ZBTB7A: variants seen among roughly 807,000 people sequenced by gnomAD.
The protein encoded by ZBTB7A is zinc finger and BTB domain containing 7A.
ZBTB7A carries 7 observed loss-of-function variants against 26.7 expected under a neutral mutation model. The ratio of observed to expected loss-of-function variants is 0.26; its 90% CI spans 0.15 to 0.49. ZBTB7A has a LOEUF of 0.49. ZBTB7A is among the 20% of genes least tolerant of loss of function. ZBTB7A has a pLI of 0.98. For synonymous variants in ZBTB7A, 452 were observed against 441.0 expected (o/e 1.02, Z -0.31); for missense variants, 617 against 919.5 (o/e 0.67, Z 4.25).
At chr19:4,055,447 GC>G (rs1443430656) in intron 1 of ZBTB7A, 200 bp from the exon 2 acceptor site, 1 of 985,200 alleles carries the variant, frequency 1.0e-6, no homozygotes, top group East Asian at 1.1e-4. Flanking sequence ...AGCGATACAT[GC>G]CCTGCCTCCA....
chr19:4,046,828 A>G lies in ZBTB7A; in HGVS notation c.*924T>C, dbSNP rs2040425862. 1 of 149,050 alleles carries G rather than the reference A, an allele frequency of 6.7e-6. No homozygotes were observed. The highest frequency in any genetic ancestry group is 1.5e-5 in the Non-Finnish European group (1 of 67,434). The allele number at this position is 149,050 out of a possible 1,614,324, so 9.2% of individuals were successfully genotyped here. On this transcript the variant is annotated 3_prime_UTR_variant, in exon 3 of 3. Transcript: ENST00000322357. ...TTTTAAGGAGGAAAGAGAAAAAAAA[A>G]TCTAAAAAGTGCTTTAAAAATTTGG...
intron 1 of ZBTB7A, among the ~76,000 whole-genome samples, chr19:4,059,331 ACCT>A (rs2040616203): frequency 6.6e-6 from 1 of 151,554 alleles, no homozygotes; most frequent in African/African-American, 2.4e-5. Flanking sequence ...TGGCTCAGCG[ACCT>A]CCTGCAGGTC....
chr19:4,061,057 A>AG (rs1255664294), intron 1 of ZBTB7A, among the ~76,000 whole-genome samples: 3 of 152,094 alleles, frequency 2.0e-5, no homozygotes, highest in Non-Finnish European at 4.4e-5. Context: ...AACAGTGGAA[A>AG]GGGGCCCCCC....
Position 4,052,610 on chromosome 19 carries a change from A to G in ZBTB7A, c.1262+1361T>C, listed in dbSNP as rs1215388924. Among the ~76,000 whole-genome samples the G allele has an allele frequency of 7.9e-6, 1 of 127,230 alleles. No homozygotes were observed. The highest frequency in any genetic ancestry group is 7.6e-5 in the Admixed American group (1 of 13,106). The allele number at this position is 127,230 out of a possible 152,430, so 83.5% of individuals were successfully genotyped here. A position where few individuals can be genotyped will look rare whatever the true frequency, so the allele number is the denominator to read the frequency against. ...AGCCTCGGTGGGCGTGGCTGGGGGA[A>G]CCCCAGGGCGGGCGGGGGGCAGGGG... On this transcript the variant is annotated intron_variant, in intron 2 of 2. Transcript: ENST00000322357. This position sits in a 1 kb window ranked among gnomAD's most constrained non-coding sequence, Gnocchi z 4.9.
intron 1 of ZBTB7A, among the ~76,000 whole-genome samples, chr19:4,058,417 C>G (rs949660058): frequency 3.1e-4 from 46 of 149,588 alleles, no homozygotes; most frequent in Non-Finnish European, 4.8e-4. Flanking sequence ...GGGACTGTGT[C>G]TGTCCCACCC....
At chr19:4,065,019 G>A (rs889222697) in intron 1 of ZBTB7A, among the ~76,000 whole-genome samples, 21 of 151,818 alleles carry the variant, frequency 1.4e-4, no homozygotes, top group African/African-American at 4.8e-4. Flanking sequence ...GCTCCGCTCA[G>A]CCCCCAGCCA....
At chr19:4,055,305 C>A in intron 1 of ZBTB7A, 58 bp from the exon 2 acceptor site, 1 of 1,430,032 alleles carries the variant, frequency 7.0e-7, no homozygotes, top group Non-Finnish European at 9.1e-7. Flanking sequence ...GTTCCTGTGC[C>A]CACTGACAAG....
At chr19:4,060,809 G>A (rs1044899994) in intron 1 of ZBTB7A, among the ~76,000 whole-genome samples, 1 of 152,120 alleles carries the variant, frequency 6.6e-6, no homozygotes, top group Non-Finnish European at 1.5e-5. Flanking sequence ...ACTGCCACCC[G>A]CCACCTTCCC....
intron 1 of ZBTB7A, chr19:4,061,521 C>G (rs548417717): frequency 6.6e-6 from 1 of 152,280 alleles, no homozygotes; most frequent in Non-Finnish European, 1.5e-5. Flanking sequence ...CACCAACGGC[C>G]TGGGGTGGCT....
In ZBTB7A at chr19:4,054,603, G is replaced by A. The variant is rs1405168848; in HGVS notation, c.630C>T (p.Ala210=). The A allele has an allele frequency of 1.9e-6, 3 of 1,580,512 alleles. No homozygotes were observed. The highest frequency in any genetic ancestry group is 1.8e-5 in the Admixed American group (1 of 55,214). The change falls in exon 2 of 3, where the codon GCC becomes GCT. Residue 210 remains alanine (A), a synonymous_variant. Coordinates refer to ENST00000322357, the MANE Select transcript of ZBTB7A (RefSeq NM_015898.4). ...AGTCTAAGCCGTTGCAGTCGCCCGC[G>A]GCCACGGCGGCCACAGCGGCGGCCA... ...EAVAAAVAAV[A]AGDCNGLDFY... is the part of the protein sequence containing the mutation.
intron 2 of ZBTB7A, among the ~76,000 whole-genome samples, chr19:4,053,592 TGTGC>T (rs1236983772): frequency 6.7e-6 from 1 of 150,212 alleles, no homozygotes; most frequent in Admixed American, 6.7e-5. Context: ...TGTGCGTGTG[TGTGC>T]GTGCATGTGT....
At chr19:4,057,393 C>T (rs760711910) in intron 1 of ZBTB7A, among the ~76,000 whole-genome samples, 6 of 152,142 alleles carry the variant, frequency 3.9e-5, no homozygotes, top group South Asian at 2.1e-4. Context: ...TACAGGAGGA[C>T]GCAGTAGCTC....
chr19:4,043,374 T>C lies in ZBTB7A; in HGVS notation c.*4378A>G, dbSNP rs1294296781. On this transcript the variant is annotated 3_prime_UTR_variant, in exon 3 of 3. Coordinates refer to ENST00000322357, the MANE Select transcript of ZBTB7A (RefSeq NM_015898.4). ...CAAGAAAAATGAATTTTTTTGTTTT[T>C]TCATCTTTTGTGTTTTTGTTTGTTT... Among the ~76,000 whole-genome samples the C allele has an allele frequency of 2.0e-5, 3 of 152,026 alleles. No homozygotes were observed. Among genetic ancestry groups the C allele is most frequent in the Non-Finnish European group, 4.4e-5 (3 of 67,954 alleles).
intron 1 of ZBTB7A, among the ~76,000 whole-genome samples, chr19:4,056,316 C>T (rs577292233): frequency 6.6e-6 from 1 of 152,228 alleles, no homozygotes; most frequent in Non-Finnish European, 1.5e-5. Context: ...CAGTCAGATG[C>T]CCTGTTCTGT....
chr19:4,063,251 A>G (rs2040658006), intron 1 of ZBTB7A, among the ~76,000 whole-genome samples: 1 of 152,152 alleles, frequency 6.6e-6, no homozygotes, highest in Admixed American at 6.5e-5. Context: ...CCCCAGGAAC[A>G]CAGCGCGCCC....
At chr19:4,053,664 ATGTG>A (rs1456310014) in intron 2 of ZBTB7A, among the ~76,000 whole-genome samples, 3 of 137,846 alleles carry the variant, frequency 2.2e-5, no homozygotes, top group African/African-American at 5.7e-5. Flanking sequence ...GCATGTCTGT[ATGTG>A]TATGTGGTGT....
chr19:4,060,089 C>T (rs1251761563), intron 1 of ZBTB7A, among the ~76,000 whole-genome samples: 1 of 152,156 alleles, frequency 6.6e-6, no homozygotes, highest in African/African-American at 2.4e-5. Flanking sequence ...CCCGCGCTGG[C>T]CTCCGTGGGA....
intron 1 of ZBTB7A, among the ~76,000 whole-genome samples, chr19:4,059,516 G>T (rs1265480319): frequency 6.6e-6 from 1 of 152,158 alleles, no homozygotes; most frequent in Non-Finnish European, 1.5e-5. Flanking sequence ...CCCGTGAGAG[G>T]ACTGTGGCCG....
At chr19:4,065,023 C>A (rs928793239) in intron 1 of ZBTB7A, among the ~76,000 whole-genome samples, 1 of 151,770 alleles carries the variant, frequency 6.6e-6, no homozygotes. Context: ...CGCTCAGCCC[C>A]CAGCCAGGCT....
Sources: allele counts gnomAD v4.1 joint callset (sites outside exome capture counted in the v4.1 genomes callset), GRCh38; gene constraint gnomAD v4.1.1; non-coding constraint Gnocchi (gnomAD v3.1); transcripts MANE v1.5; gene names NCBI Gene and HGNC (gene_info 2026-07-23, HGNC 2026-07-21).